TDG: variants seen among roughly 807,000 people sequenced by gnomAD.
The protein encoded by TDG is thymine DNA glycosylase.
TDG carries 23 observed loss-of-function variants against 46.1 expected under a neutral mutation model. The ratio of observed to expected loss-of-function variants is 0.50; its 90% CI spans 0.36 to 0.71. The LOEUF (loss-of-function observed/expected upper bound fraction) is 0.71, where lower values mean the gene tolerates loss of function less well. Ranked by LOEUF, TDG falls within the 30% of genes least tolerant of loss-of-function variation. The pLI, the probability that TDG is intolerant of heterozygous loss-of-function variation, is 0.00. For missense variants in TDG, 304 were observed against 486.7 expected (o/e 0.62, Z 3.53); for synonymous variants, 115 against 161.3 (o/e 0.71, Z 2.18).
chr12:103,965,937 C>T lies in TDG; in HGVS notation c.-101C>T. ...GTACTGCCAGCCATCGGGCCCAGGT[C>T]TCTGGGGTTGTCTTACCGCAGTGAG... On this transcript the variant is annotated 5_prime_UTR_variant, in exon 1 of 10. Transcript: ENST00000392872. 1.3e-6 allele frequency: 2 copies of T among 1,501,454 alleles called. No individual in the cohort carries two copies. Among genetic ancestry groups the T allele is most frequent in the Non-Finnish European group, 1.8e-6 (2 of 1,113,538 alleles). The allele number at this position is 1,501,454 out of a possible 1,614,324, so 93.0% of individuals were successfully genotyped here.
intron 9 of TDG, chr12:103,986,648 G>A (rs1462696145): frequency 1.3e-5 from 3 of 238,440 alleles, no homozygotes; most frequent in Non-Finnish European, 2.5e-5. Context: ...GGGAGGCAGA[G>A]GCTGTAGTGA....
chr12:103,985,791 T>C, intron 9 of TDG, 63 bp downstream of exon 9: 1 of 1,399,758 alleles, frequency 7.1e-7, no homozygotes, highest in Non-Finnish European at 9.4e-7. Context: ...GGGGGGAAAA[T>C]TTTAATAGAA....
intron 1 of TDG, among the ~76,000 whole-genome samples, chr12:103,975,075 C>G (rs1023731054): frequency 6.6e-6 from 1 of 151,732 alleles, no homozygotes; most frequent in African/African-American, 2.4e-5. Context: ...TTTTTCTTCT[C>G]CTGCCTATTT....
rs1872204396 is a variant in TDG, at chr12:103,987,153, C to T, written c.*63C>T. On this transcript the variant is annotated 3_prime_UTR_variant, in exon 10 of 10. Coordinates refer to ENST00000392872, the MANE Select transcript of TDG (RefSeq NM_003211.6). The stretch of plus-strand genomic sequence containing the variant: ...TTAATGCAGTTGTCAACAAGTAGAA[C>T]CTCAGTTTGCTAACTGAAGTGTTTT... The T allele has an allele frequency of 1.3e-6, 2 of 1,591,078 alleles. No individual in the cohort carries two copies. Among genetic ancestry groups the T allele is most frequent in the East Asian group, 2.2e-5 (1 of 44,516 alleles).
At chr12:103,970,581 T>C (rs1222773422) in intron 1 of TDG, among the ~76,000 whole-genome samples, 1 of 152,100 alleles carries the variant, frequency 6.6e-6, no homozygotes, top group East Asian at 1.9e-4. Flanking sequence ...AATTTAGTTT[T>C]TTGAAATACA....
rs763114144 is a variant in TDG at position 103,987,057 on chromosome 12, A to G, written c.1200A>G (p.Gly400=). The change falls in exon 10 of 10, where the codon GGA becomes GGG. Residue 400 remains glycine (G), a synonymous_variant. Transcript: ENST00000392872. ...DQIPSFSNHC[G]TQEQEEESHA The stretch of plus-strand genomic sequence containing the variant: ...TTCCTTCCTTTAGTAATCACTGTGG[A>G]ACACAAGAACAGGAAGAAGAAAGCC... The G allele has an allele frequency of 5.6e-6, 9 of 1,614,176 alleles. No homozygotes were observed. Among genetic ancestry groups the G allele is most frequent in the Non-Finnish European group, 7.6e-6 (9 of 1,180,004 alleles).
intron 3 of TDG, 134 bp from the exon 4 acceptor site, chr12:103,980,759 A>C: frequency 1.5e-6 from 1 of 675,870 alleles, no homozygotes; most frequent in Non-Finnish European, 2.6e-6. Flanking sequence ...AGTAATTGAT[A>C]AATGATATTG....
At position 103,986,997 on chromosome 12, in the gene TDG, TG is replaced by T. The variant is rs763433273; in HGVS notation, c.1143del (p.Gln382SerfsTer3). On this transcript the variant is annotated frameshift_variant, in exon 10 of 10. Coordinates refer to ENST00000392872, the MANE Select transcript of TDG (RefSeq NM_003211.6). LOFTEE classifies it high-confidence loss of function. ...AATCAGCTTTCAGTGGCATTCCTAA[TG>T]GGCAGTGGATGACCCAGTCATTTAC... ...GESAFSGIPNGQWMTQSFTDQ... is the reference protein window; with the variant it reads ...GESAFSGIPNXQWMTQSFTDQ... The T allele has an allele frequency of 6.2e-7, 1 of 1,614,268 alleles. No individual in the cohort carries two copies. Among genetic ancestry groups the T allele is most frequent in the South Asian group, 1.1e-5 (1 of 91,092 alleles).
chr12:103,980,327 G>C (rs534320387), intron 3 of TDG: 3 of 436,750 alleles, frequency 6.9e-6, no homozygotes, highest in South Asian at 6.4e-5. Context: ...TCTAAACACC[G>C]GTTTTCTCAT....
chr12:103,986,992 C>T lies in TDG; in HGVS notation c.1135C>T (p.Pro379Ser), dbSNP rs1393037834. ...LRGESAFSGI[P>S]NGQWMTQSFT... ...AGGAGAATCAGCTTTCAGTGGCATTCCTAATGGGCAGTGGATGACCCAGTC... is the reference window on the plus strand; with the variant it reads ...AGGAGAATCAGCTTTCAGTGGCATTTCTAATGGGCAGTGGATGACCCAGTC... Residue 379 changes from proline to serine, a missense_variant, in exon 10 of 10, where the codon CCT becomes TCT. Physicochemically the swap from Pro to Ser is moderately conservative, Grantham distance 74. Transcript: ENST00000392872. The T allele has an allele frequency of 1.9e-6, 3 of 1,614,270 alleles. No individual in the cohort carries two copies. In the South Asian group the frequency reaches 3.3e-5, roughly 18 times the overall value.
At chr12:103,970,951 TAAC>T (rs533256600) in intron 1 of TDG, among the ~76,000 whole-genome samples, 54 of 151,756 alleles carry the variant, frequency 3.6e-4, no homozygotes, top group African/African-American at 1.2e-3. Context: ...AAAAGACAAA[TAAC>T]AACATTAAAA....
intron 1 of TDG, among the ~76,000 whole-genome samples, chr12:103,972,064 G>T (rs749242171): frequency 3.9e-5 from 6 of 152,120 alleles, no homozygotes; most frequent in Non-Finnish European, 7.4e-5. Context: ...GGTTGAAACA[G>T]GTTTATGCTG....
rs1236010133 is a variant in TDG at position 103,987,742 on chromosome 12, T to C, written c.*652T>C. 5 of 152,732 alleles carry C rather than the reference T, an allele frequency of 3.3e-5. No homozygotes were observed. Among genetic ancestry groups the C allele is most frequent in the African/African-American group, 1.2e-4 (5 of 41,584 alleles). The allele number at this position is 152,732 out of a possible 1,614,324, so 9.5% of individuals were successfully genotyped here. ...TCCTCTAGTAGCCAATTAACTACTC[T>C]GGGGTGGCAGGTTCCAGAGAATGCA... On this transcript the variant is annotated 3_prime_UTR_variant, in exon 10 of 10. Transcript: ENST00000392872.
intron 1 of TDG, 64 bp downstream of exon 1, chr12:103,966,124 C>G: frequency 1.4e-6 from 2 of 1,417,276 alleles, no homozygotes; most frequent in Non-Finnish European, 1.9e-6. Flanking sequence ...CTGGCTGGCG[C>G]GCGCGCGCGC....
intron 1 of TDG, 123 bp from the exon 2 acceptor site, chr12:103,976,791 CTAAA>C: frequency 8.5e-6 from 10 of 1,176,728 alleles, no homozygotes; most frequent in South Asian, 1.4e-5. Context: ...GTAATCCACT[CTAAA>C]TAAATACTTC....
Position 103,980,002 on chromosome 12 carries a change from G to A in TDG, c.338G>A (p.Gly113Asp). ...AAAAGAAAAGTAGACCGTTTTAATG[G>A]TGTTTCAGAAGCTGAACTTCTGACC... is the stretch of plus-strand genomic sequence containing the variant. ...KVKRKVDRFN[G>D]VSEAELLTKT... Residue 113 changes from glycine (G) to aspartate (D), a missense_variant, in exon 3 of 10, where the codon GGT (glycine) becomes GAT (aspartate). Gly to Asp is a moderately conservative substitution (Grantham distance 94, BLOSUM62 -1). Coordinates refer to ENST00000392872, the MANE Select transcript of TDG (RefSeq NM_003211.6). 1 of 1,613,894 alleles carries A rather than the reference G, an allele frequency of 6.2e-7. No homozygotes were observed. The highest frequency in any genetic ancestry group is 8.5e-7 in the Non-Finnish European group (1 of 1,180,038).
intron 1 of TDG, among the ~76,000 whole-genome samples, chr12:103,973,353 G>A (rs1566178681): frequency 6.6e-6 from 1 of 152,124 alleles, no homozygotes; most frequent in Admixed American, 6.5e-5. Context: ...CCAAAGCGCC[G>A]AGATTACAGG....
At chr12:103,966,873 A>G (rs2136230107) in intron 1 of TDG, among the ~76,000 whole-genome samples, 1 of 152,268 alleles carries the variant, frequency 6.6e-6, no homozygotes, top group East Asian at 1.9e-4. Flanking sequence ...AATACAAGGG[A>G]CTTATATGGG....
At chr12:103,981,720 C>T (rs1274886294) in intron 4 of TDG, among the ~76,000 whole-genome samples, 1 of 151,900 alleles carries the variant, frequency 6.6e-6, no homozygotes, top group African/African-American at 2.4e-5. Flanking sequence ...GTTTTAAAAC[C>T]AAGTGTTGGC....
Sources: gnomAD v4.1 joint callset for allele counts (sites outside exome capture counted in the v4.1 genomes callset) on GRCh38, gnomAD v4.1.1 for gene constraint, MANE v1.5 for transcripts, NCBI Gene and HGNC (gene_info 2026-07-23, HGNC 2026-07-21) for gene names.